The following COL22A1 variants were observed in gnomAD, a reference collection of about 807,000 sequenced individuals.
The protein encoded by COL22A1 is collagen alpha-1(XXII) chain.
A neutral mutation model predicts 248.9 loss-of-function variants in COL22A1; 221 were observed. That is an observed-to-expected ratio of 0.89 (90% CI 0.80 to 0.99). The LOEUF (loss-of-function observed/expected upper bound fraction) is 0.99, where lower values mean the gene tolerates loss of function less well. Ranked by LOEUF, COL22A1 falls within the 50% of genes least tolerant of loss-of-function variation. The pLI is 0.00. For missense variants in COL22A1, 2,240 were observed against 2,179.0 expected, an observed-to-expected ratio of 1.03 and a Z score of -0.56; for synonymous variants, 891 against 793.4, an observed-to-expected ratio of 1.12 and a Z score of -2.07.
chr8:138,640,885 C>G (rs2130435949), intron 47 of COL22A1, among the ~76,000 whole-genome samples: 1 of 152,304 alleles, frequency 6.6e-6, no homozygotes, highest in Admixed American at 6.5e-5. Context: ...GGAAAATTCA[C>G]TCAGCTAATA....
At chr8:138,651,374 A>G (rs3923549) in intron 45 of COL22A1, among the ~76,000 whole-genome samples, 128,707 of 152,154 alleles carry the variant, frequency 0.85, 55,148 homozygotes, top group East Asian at 0.93. Flanking sequence ...TCTTCCACAG[A>G]GCATGAGTGC....
chr8:138,667,067 T>A (rs1400397800), intron 41 of COL22A1, among the ~76,000 whole-genome samples: 2 of 152,350 alleles, frequency 1.3e-5, no homozygotes, highest in East Asian at 3.9e-4. Context: ...CCATGTCTAT[T>A]CTGTCAGTCT....
chr8:138,704,487 C>T (rs1348141754), intron 30 of COL22A1, among the ~76,000 whole-genome samples: 4 of 152,214 alleles, frequency 2.6e-5, no homozygotes, highest in Non-Finnish European at 5.9e-5. Flanking sequence ...GTTCTGCAGC[C>T]TCCGCTGCTG....
At position 138,588,459 on chromosome 8, in the gene COL22A1, G is replaced by T. The variant is rs905484296; in HGVS notation, c.*794C>A. On this transcript the variant is annotated 3_prime_UTR_variant, in exon 65 of 65. Coordinates refer to ENST00000303045, the MANE Select transcript of COL22A1 (RefSeq NM_152888.3). ...TTAATATAATTGAAACCAACAAGAGGAACTTGAAGGGGCCTTACACAGTTT... is the reference window on the plus strand; with the variant it reads ...TTAATATAATTGAAACCAACAAGAGTAACTTGAAGGGGCCTTACACAGTTT... The T allele has an allele frequency of 6.6e-6, 1 of 152,116 alleles. No individual in the cohort carries two copies. The highest frequency in any genetic ancestry group is 2.4e-5 in the African/African-American group (1 of 41,420). The allele number at this position is 152,116 out of a possible 1,614,324, so 9.4% of individuals were successfully genotyped here.
At chr8:138,784,984 T>C (rs949409317) in intron 12 of COL22A1, among the ~76,000 whole-genome samples, 2 of 152,188 alleles carry the variant, frequency 1.3e-5, no homozygotes, top group African/African-American at 4.8e-5. Context: ...GGCAGCCCTA[T>C]AAGCTAAGCG....
intron 12 of COL22A1, among the ~76,000 whole-genome samples, chr8:138,791,112 G>A (rs1815993909): frequency 6.6e-6 from 1 of 152,178 alleles, no homozygotes; most frequent in Non-Finnish European, 1.5e-5. Flanking sequence ...TAACAATAAT[G>A]ATGTCTTTCA....
At chr8:138,619,931 TAAA>T (rs1819637016) in intron 52 of COL22A1, 1 of 187,576 alleles carries the variant, frequency 5.3e-6, no homozygotes, top group Non-Finnish European at 1.1e-5. Context: ...ATGAAGGTAT[TAAA>T]TAGCAAAGCC....
chr8:138,866,587 A>G lies in COL22A1; in HGVS notation c.658+11163T>C, dbSNP rs897229975. On this transcript the variant is annotated intron_variant, in intron 3 of 64. Coordinates refer to ENST00000303045, the MANE Select transcript of COL22A1 (RefSeq NM_152888.3). ...GTCTCCATGAGCTGAAGCCTTGTGCATGGCATGACCCTAGTCAATGAGATC... is the reference window on the plus strand; with the variant it reads ...GTCTCCATGAGCTGAAGCCTTGTGCGTGGCATGACCCTAGTCAATGAGATC... Among the ~76,000 whole-genome samples the G allele has an allele frequency of 2.0e-5, 3 of 152,216 alleles. No homozygotes were observed. In the South Asian group the frequency reaches 6.2e-4, roughly 32 times the overall value.
At chr8:138,883,636 C>T (rs904533575) in intron 1 of COL22A1, among the ~76,000 whole-genome samples, 22 of 152,062 alleles carry the variant, frequency 1.4e-4, no homozygotes, top group Non-Finnish European at 2.9e-4. Context: ...GGGGCAGTTT[C>T]CCCCATGCTG....
chr8:138,636,420 C>T lies in COL22A1; in HGVS notation c.3555+322G>A, dbSNP rs150199694. ...GAAGGGGGAATTTTTTAATGAGTGTCCATTTCAGTGAAAAAAAAAGTAAAG... is the reference window on the plus strand; with the variant it reads ...GAAGGGGGAATTTTTTAATGAGTGTTCATTTCAGTGAAAAAAAAAGTAAAG... On this transcript the variant is annotated intron_variant, in intron 48 of 64. Coordinates refer to ENST00000303045, the MANE Select transcript of COL22A1 (RefSeq NM_152888.3). Among the ~76,000 whole-genome samples the T allele has an allele frequency of 7.7e-3, 1,109 of 144,148 alleles. 12 individuals are homozygous for T. Among genetic ancestry groups the T allele is most frequent in the Non-Finnish European group, 0.012 (832 of 66,624 alleles). 94.6% of individuals were successfully genotyped at this position (144,148 alleles called of 152,430 possible).
At chr8:138,612,984 T>C (rs1279709184) in intron 56 of COL22A1, among the ~76,000 whole-genome samples, 11 of 144,652 alleles carry the variant, frequency 7.6e-5, no homozygotes, top group Non-Finnish European at 9.0e-5. Context: ...CACGGTGGCT[T>C]ACGCCTGTAA....
At chr8:138,847,649 TGATGTAAGGG>T (rs1386788958) in intron 3 of COL22A1, among the ~76,000 whole-genome samples, 2 of 152,178 alleles carry the variant, frequency 1.3e-5, no homozygotes, top group Non-Finnish European at 2.9e-5. Context: ...TTGGTTTCCT[TGATGTAAGGG>T]ATAGATAAGT....
At chr8:138,755,598 C>T in intron 19 of COL22A1, 87 bp from the exon 20 acceptor site, 1 of 1,461,678 alleles carries the variant, frequency 6.8e-7, no homozygotes, top group Non-Finnish European at 9.6e-7. Flanking sequence ...GCCATTCATT[C>T]ACAGGCCATG....
intron 22 of COL22A1, among the ~76,000 whole-genome samples, chr8:138,749,589 A>G (rs1832418720): frequency 6.6e-6 from 1 of 152,246 alleles, no homozygotes; most frequent in Non-Finnish European, 1.5e-5. Context: ...CCGCCCAACC[A>G]GGGCCAAGTC....
Position 138,602,100 on chromosome 8 carries a change from G to A in COL22A1, c.4185+15C>T. ...CGCGTTCGGCGTGTTCAAGGTGCCT[G>A]TGCTCTCCACTCACCCTTTCTCCTT... On this transcript the variant is annotated intron_variant, in intron 60 of 64. Coordinates refer to ENST00000303045, the MANE Select transcript of COL22A1 (RefSeq NM_152888.3). 6.2e-7 allele frequency: 1 copy of A among 1,614,030 alleles called. No homozygotes were observed.
At chr8:138,681,243 T>C (rs1281871454) in intron 39 of COL22A1, among the ~76,000 whole-genome samples, 1 of 152,194 alleles carries the variant, frequency 6.6e-6, no homozygotes, top group African/African-American at 2.4e-5. Context: ...GGCACTATGC[T>C]AGGCAACTGT....
chr8:138,757,626 A>C (rs1833126825), intron 18 of COL22A1, among the ~76,000 whole-genome samples: 1 of 152,218 alleles, frequency 6.6e-6, no homozygotes, highest in South Asian at 2.1e-4. Context: ...GTATACAGCT[A>C]ACAGTTATTG....
At chr8:138,690,610 G>A (rs1370934555) in intron 36 of COL22A1, among the ~76,000 whole-genome samples, 5 of 152,070 alleles carry the variant, frequency 3.3e-5, no homozygotes, top group African/African-American at 4.8e-5. Flanking sequence ...CAACAGCTGC[G>A]TTTACCCTCT....
At chr8:138,643,646 A>ATAGATAG (rs1821922273) in intron 47 of COL22A1, among the ~76,000 whole-genome samples, 1 of 108,834 alleles carries the variant, frequency 9.2e-6, no homozygotes, top group Non-Finnish European at 1.9e-5. Context: ...AGATAGATAG[A>ATAGATAG]TAGACAGATA....
Sources: gnomAD v4.1 joint callset for allele counts (sites outside exome capture counted in the v4.1 genomes callset) on GRCh38, gnomAD v4.1.1 for gene constraint, MANE v1.5 for transcripts, NCBI Gene and HGNC (gene_info 2026-07-23, HGNC 2026-07-21) for gene names.